Variants in COL8A1 observed in about 807,000 individuals in gnomAD.
The protein encoded by COL8A1 is collagen type VIII alpha 1 chain.
Under a neutral mutation model 42.7 loss-of-function variants are expected in COL8A1, and 21 were observed. That is an observed-to-expected ratio of 0.49 (90% confidence interval 0.35 to 0.71). The LOEUF (loss-of-function observed/expected upper bound fraction) is 0.71, where lower values mean the gene tolerates loss of function less well. Among genes scored for constraint, COL8A1 ranks in the 30% least tolerant of loss-of-function variants. The probability of loss-of-function intolerance (pLI) is 0.01; values close to 1 mark genes in which losing one functional copy is unlikely to be tolerated. For missense variants in COL8A1, 788 were observed against 962.4 expected, an observed-to-expected ratio of 0.82 and a Z score of 2.40; for synonymous variants, 367 against 369.1, an observed-to-expected ratio of 0.99 and a Z score of 0.06.
At chr3:99,702,004 A>G (rs753105041) in intron 1 of COL8A1, among the ~76,000 whole-genome samples, 1 of 152,200 alleles carries the variant, frequency 6.6e-6, no homozygotes, top group African/African-American at 2.4e-5. Flanking sequence ...AGGTAATATA[A>G]GCCACTAACT....
intron 1 of COL8A1, among the ~76,000 whole-genome samples, chr3:99,649,255 G>C (rs376327963): frequency 1.3e-5 from 2 of 151,966 alleles, no homozygotes; most frequent in African/African-American, 4.8e-5. Context: ...TTCTATAATG[G>C]CATGAGTTTA....
intron 1 of COL8A1, among the ~76,000 whole-genome samples, chr3:99,673,230 A>G (rs1938598531): frequency 6.6e-6 from 1 of 152,040 alleles, no homozygotes; most frequent in Admixed American, 6.6e-5. Context: ...CAAGGTCATA[A>G]TTTTATCAAA....
At chr3:99,761,744 G>C (rs1274459537) in intron 2 of COL8A1, among the ~76,000 whole-genome samples, 1 of 152,084 alleles carries the variant, frequency 6.6e-6, no homozygotes, top group Non-Finnish European at 1.5e-5. Flanking sequence ...TCTGGCTTTA[G>C]ATATCTAGAG....
chr3:99,750,139 C>T (rs913706136), intron 2 of COL8A1, among the ~76,000 whole-genome samples: 1 of 145,638 alleles, frequency 6.9e-6, no homozygotes, highest in African/African-American at 2.6e-5. Flanking sequence ...TTACTGCAAC[C>T]TCCACCTCCT....
At chr3:99,790,592 T>C (rs777738020) in intron 2 of COL8A1, 88 bp from the exon 3 acceptor site, 2 of 1,038,566 alleles carry the variant, frequency 1.9e-6, no homozygotes, top group Non-Finnish European at 2.8e-6. Context: ...ACTGTTTCCC[T>C]TTTTTTTCCC....
At chr3:99,682,404 C>T (rs1227235774) in intron 1 of COL8A1, among the ~76,000 whole-genome samples, 1 of 152,040 alleles carries the variant, frequency 6.6e-6, no homozygotes, top group Non-Finnish European at 1.5e-5. Flanking sequence ...GATGACAGAG[C>T]AAGGCCCTGT....
chr3:99,645,695 TTA>T (rs1491134915), intron 1 of COL8A1, among the ~76,000 whole-genome samples: 10 of 143,234 alleles, frequency 7.0e-5, no homozygotes, highest in African/African-American at 2.6e-4. Context: ...AGTTTTCTTT[TTA>T]AAAAAAAAAA....
intron 1 of COL8A1, among the ~76,000 whole-genome samples, chr3:99,743,884 AGTT>A (rs1940958767): frequency 6.6e-6 from 1 of 152,144 alleles, no homozygotes; most frequent in East Asian, 1.9e-4. Context: ...AAATGACTGA[AGTT>A]GTTCCTCTTA....
chr3:99,771,573 G>A (rs980645312), intron 2 of COL8A1, among the ~76,000 whole-genome samples: 6 of 152,154 alleles, frequency 3.9e-5, no homozygotes, highest in African/African-American at 1.2e-4. Context: ...TGCCCCTCAA[G>A]CCTAATGTGC....
At chr3:99,737,724 G>T (rs1168085614) in intron 1 of COL8A1, among the ~76,000 whole-genome samples, 1 of 152,148 alleles carries the variant, frequency 6.6e-6, no homozygotes. Context: ...TCTTCTCAAG[G>T]AGTATCTTTG....
intron 1 of COL8A1, among the ~76,000 whole-genome samples, chr3:99,704,071 G>T (rs1289838250): frequency 2.6e-5 from 4 of 152,090 alleles, no homozygotes; most frequent in Admixed American, 2.6e-4. Flanking sequence ...AAAATTAGAT[G>T]TGTAATGTTA....
chr3:99,721,991 CAATAGAT>C (rs1218673539), intron 1 of COL8A1, among the ~76,000 whole-genome samples: 1 of 151,888 alleles, frequency 6.6e-6, no homozygotes, highest in Non-Finnish European at 1.5e-5. Flanking sequence ...AATTGATACT[CAATAGAT>C]AATCACAGGA....
At chr3:99,656,154 A>G (rs1938016281) in intron 1 of COL8A1, among the ~76,000 whole-genome samples, 1 of 152,236 alleles carries the variant, frequency 6.6e-6, no homozygotes. Context: ...TTAAAGGTAT[A>G]AAATATCAGC....
At chr3:99,665,155 C>T (rs1220240817) in intron 1 of COL8A1, among the ~76,000 whole-genome samples, 1 of 152,208 alleles carries the variant, frequency 6.6e-6, no homozygotes, top group Non-Finnish European at 1.5e-5. Flanking sequence ...AGGTGCCAGG[C>T]TCTCTCCTTC....
intron 2 of COL8A1, among the ~76,000 whole-genome samples, chr3:99,778,929 G>C (rs967462264): frequency 2.0e-5 from 3 of 152,124 alleles, no homozygotes; most frequent in African/African-American, 7.2e-5. Context: ...AAAGATAAAG[G>C]TTTGATTCTA....
At chr3:99,659,344 C>A (rs1349720297) in intron 1 of COL8A1, among the ~76,000 whole-genome samples, 6 of 152,204 alleles carry the variant, frequency 3.9e-5, no homozygotes, top group Non-Finnish European at 4.4e-5. Flanking sequence ...GCCTCCCCTT[C>A]CCTGTTTGTG....
chr3:99,672,950 T>C (rs928761765), intron 1 of COL8A1, among the ~76,000 whole-genome samples: 1 of 151,972 alleles, frequency 6.6e-6, no homozygotes, highest in Admixed American at 6.6e-5. Flanking sequence ...ATCCCATGAG[T>C]AGCTCAGATT....
chr3:99,784,495 G>A (rs781119992), intron 2 of COL8A1, among the ~76,000 whole-genome samples: 1 of 152,132 alleles, frequency 6.6e-6, no homozygotes, highest in Non-Finnish European at 1.5e-5. Context: ...AACCTAGATG[G>A]TACCACTTGC....
chr3:99,768,993 T>C (rs1010100732), intron 2 of COL8A1, among the ~76,000 whole-genome samples: 1 of 152,214 alleles, frequency 6.6e-6, no homozygotes, highest in Non-Finnish European at 1.5e-5. Context: ...AAATGAATCA[T>C]ACAGGAAAGG....
Sources: gnomAD v4.1 joint callset for allele counts (sites outside exome capture counted in the v4.1 genomes callset) on GRCh38, gnomAD v4.1.1 for gene constraint, MANE v1.5 for transcripts, NCBI Gene and HGNC (gene_info 2026-07-23, HGNC 2026-07-21) for gene names.